DNAJC11: variants seen among roughly 807,000 people sequenced by gnomAD.
DNAJC11 encodes the protein DnaJ heat shock protein family (Hsp40) member C11.
Under a neutral mutation model 78.6 loss-of-function variants are expected in DNAJC11, and 15 were observed. The observed-to-expected ratio is 0.19, with a 90% CI of 0.13 to 0.29. DNAJC11 has a LOEUF of 0.29. Ranked by LOEUF, DNAJC11 falls within the 10% of genes least tolerant of loss-of-function variation. The pLI, the probability that DNAJC11 is intolerant of heterozygous loss-of-function variation, is 1.00. For missense variants in DNAJC11, 547 were observed against 709.6 expected, an observed-to-expected ratio of 0.77 and a Z score of 2.60; for synonymous variants, 292 against 272.1, an observed-to-expected ratio of 1.07 and a Z score of -0.72.
At chr1:6,694,004 T>G (rs930472801) in intron 1 of DNAJC11, among the ~76,000 whole-genome samples, 28 of 151,614 alleles carry the variant, frequency 1.8e-4, no homozygotes, top group African/African-American at 6.6e-4. Flanking sequence ...TCTGGCTAAG[T>G]TTTGTATTTT....
At chr1:6,671,920 C>T (rs766584419) in intron 3 of DNAJC11, among the ~76,000 whole-genome samples, 52 of 152,072 alleles carry the variant, frequency 3.4e-4, no homozygotes, top group African/African-American at 1.1e-3. Flanking sequence ...CTGCAACTTC[C>T]GCTTCCAGGG....
At position 6,639,925 on chromosome 1, in the gene DNAJC11, T is replaced by C. The variant is rs377693230; in HGVS notation, c.1230A>G (p.Pro410=). ...YFAMHRLIIK[P]YLRAQKEKEL... Reference sequence around the variant, plus strand: ...ACTTCTCTTTCTGAGCCCTGAGGTATGGTTTGATGATCAGACGGTGCATGG... The same window carrying C: ...ACTTCTCTTTCTGAGCCCTGAGGTACGGTTTGATGATCAGACGGTGCATGG... The change falls in exon 11 of 16, where the codon CCA becomes CCG. Residue 410 remains proline (P), a synonymous_variant. Coordinates refer to ENST00000377577, the MANE Select transcript of DNAJC11 (RefSeq NM_018198.4). The C allele has an allele frequency of 9.3e-6, 15 of 1,613,484 alleles. No homozygotes were observed. In the African/African-American group the frequency reaches 1.6e-4, roughly 17 times the overall value.
At chr1:6,688,215 T>G (rs1019798997) in intron 1 of DNAJC11, among the ~76,000 whole-genome samples, 1 of 152,228 alleles carries the variant, frequency 6.6e-6, no homozygotes, top group Admixed American at 6.5e-5. Flanking sequence ...TGAGTCTCCA[T>G]AAGCCCTGAC....
At chr1:6,672,471 C>T (rs954871148) in intron 3 of DNAJC11, among the ~76,000 whole-genome samples, 3 of 152,226 alleles carry the variant, frequency 2.0e-5, no homozygotes, top group Admixed American at 6.5e-5. Flanking sequence ...CTCTCTGTTA[C>T]ATTCTGTGAT....
intron 7 of DNAJC11, among the ~76,000 whole-genome samples, chr1:6,647,475 G>T (rs1220297067): frequency 2.6e-5 from 4 of 152,112 alleles, no homozygotes; most frequent in Admixed American, 1.3e-4. Flanking sequence ...AGGATTAGAG[G>T]ACCGTGGTTA....
intron 4 of DNAJC11, among the ~76,000 whole-genome samples, chr1:6,666,659 C>T (rs1642299346): frequency 6.6e-6 from 1 of 152,186 alleles, no homozygotes; most frequent in Non-Finnish European, 1.5e-5. Flanking sequence ...GCCTCTGCCT[C>T]CCAAAGTGCT....
At chr1:6,696,092 T>C (rs543872560) in intron 1 of DNAJC11, among the ~76,000 whole-genome samples, 87 of 152,364 alleles carry the variant, frequency 5.7e-4, no homozygotes, top group African/African-American at 2.0e-3. Flanking sequence ...CCCTATGGAA[T>C]GCAGACATCT....
intron 4 of DNAJC11, among the ~76,000 whole-genome samples, chr1:6,663,320 A>G (rs944715397): frequency 4.6e-5 from 7 of 152,136 alleles, no homozygotes; most frequent in Admixed American, 4.6e-4. Context: ...AACCTAACTT[A>G]ATCATCTGCT....
At chr1:6,678,263 A>G (rs1642503114) in intron 3 of DNAJC11, 131 bp downstream of exon 3, 3 of 989,128 alleles carry the variant, frequency 3.0e-6, no homozygotes, top group Non-Finnish European at 4.8e-6. Flanking sequence ...ACAAAAATAC[A>G]GGGCAAGGAA....
At chr1:6,646,054 G>A (rs1322569001) in intron 7 of DNAJC11, 76 bp from the exon 8 acceptor site, 3 of 1,479,596 alleles carry the variant, frequency 2.0e-6, no homozygotes, top group East Asian at 4.6e-5. Flanking sequence ...TCTCTGCCTG[G>A]CTAAGACCTC....
intron 1 of DNAJC11, among the ~76,000 whole-genome samples, chr1:6,694,985 A>C (rs1395733830): frequency 6.7e-6 from 1 of 149,170 alleles, no homozygotes; most frequent in Non-Finnish European, 1.5e-5. Flanking sequence ...AAAAAAAAAA[A>C]AAAAAAAAAA....
intron 4 of DNAJC11, among the ~76,000 whole-genome samples, chr1:6,667,190 C>T (rs557480396): frequency 6.6e-6 from 1 of 152,204 alleles, no homozygotes; most frequent in South Asian, 2.1e-4. Flanking sequence ...GCACCAATGC[C>T]CTGGGGTGAT....
rs1212367828 is a variant in DNAJC11 at position 6,701,635 on chromosome 1, C to T, written c.72+94G>A. The T allele has an allele frequency of 9.7e-6, 13 of 1,336,406 alleles. No individual in the cohort carries two copies. The Admixed American group carries it at 3.5e-4, about 36-fold the overall frequency. The allele number at this position is 1,336,406 out of a possible 1,614,324, so 82.8% of individuals were successfully genotyped here. A position where few individuals can be genotyped will look rare whatever the true frequency, so the allele number is the denominator to read the frequency against. On this transcript the variant is annotated intron_variant, in intron 1 of 15. Coordinates refer to ENST00000377577, the MANE Select transcript of DNAJC11 (RefSeq NM_018198.4). ...CGGCCTCCCCGACGGACCCGAGCCT[C>T]CCGTGGCGGGGGTGGGGCGGCCACC...
chr1:6,694,923 C>T (rs1187932380), intron 1 of DNAJC11, among the ~76,000 whole-genome samples: 20 of 146,260 alleles, frequency 1.4e-4, no homozygotes, highest in Non-Finnish European at 6.0e-5. Flanking sequence ...TGCAATAAGC[C>T]GAGATCGCAC....
intron 1 of DNAJC11, among the ~76,000 whole-genome samples, chr1:6,691,144 GA>G (rs1454546018): frequency 8.2e-6 from 1 of 121,726 alleles, no homozygotes; most frequent in African/African-American, 3.0e-5. Context: ...ATATAAATTT[GA>G]AAAAAAGATT....
intron 1 of DNAJC11, among the ~76,000 whole-genome samples, chr1:6,692,619 T>TTC (rs1471597704): frequency 2.7e-5 from 4 of 150,524 alleles, no homozygotes; most frequent in Non-Finnish European, 5.9e-5. Flanking sequence ...ATTTTTTTTT[T>TTC]TTTTTTTTGA....
At chr1:6,669,611 C>T (rs1209584882) in intron 3 of DNAJC11, among the ~76,000 whole-genome samples, 16 of 151,848 alleles carry the variant, frequency 1.1e-4, no homozygotes, top group Non-Finnish European at 1.5e-5. Context: ...CTTCTTAGCT[C>T]GTCATGAAAG....
At chr1:6,646,941 C>A (rs1641974875) in intron 7 of DNAJC11, among the ~76,000 whole-genome samples, 1 of 151,870 alleles carries the variant, frequency 6.6e-6, no homozygotes, top group African/African-American at 2.4e-5. Context: ...AATTGCTTCA[C>A]CCCAGGAGTT....
chr1:6,669,668 A>C (rs1019396523), intron 3 of DNAJC11, among the ~76,000 whole-genome samples: 1 of 152,226 alleles, frequency 6.6e-6, no homozygotes, highest in African/African-American at 2.4e-5. Context: ...GGCCACCGTG[A>C]AAGAGGCAAC....
Sources: gnomAD v4.1 joint callset for allele counts (sites outside exome capture counted in the v4.1 genomes callset) on GRCh38, gnomAD v4.1.1 for gene constraint, MANE v1.5 for transcripts, NCBI Gene and HGNC (gene_info 2026-07-23, HGNC 2026-07-21) for gene names.